The following RIC8B variants were observed in gnomAD, a reference collection of about 807,000 sequenced individuals.
The protein encoded by RIC8B is chaperone Ric-8B.
Under a neutral mutation model 57.5 loss-of-function variants are expected in RIC8B, and 16 were observed. That is an observed-to-expected ratio of 0.28 (90% CI 0.19 to 0.42). RIC8B has a LOEUF of 0.42. Ranked by LOEUF, RIC8B falls within the 10% of genes least tolerant of loss-of-function variation. The pLI is 1.00. For missense variants in RIC8B, 481 were observed against 677.0 expected (o/e 0.71, Z 3.21); for synonymous variants, 216 against 250.8 (o/e 0.86, Z 1.31).
chr12:106,795,650 GGAA>G (rs2044446224), intron 2 of RIC8B, among the ~76,000 whole-genome samples: 1 of 152,128 alleles, frequency 6.6e-6, no homozygotes, highest in Non-Finnish European at 1.5e-5. Context: ...CAAAGAGAAG[GGAA>G]GATGGAGCCA....
chr12:106,798,029 G>A (rs2044562830), intron 2 of RIC8B: 1 of 715,170 alleles, frequency 1.4e-6, no homozygotes, highest in Admixed American at 2.0e-5. Context: ...CATTAAACTA[G>A]TTATAGCGTT....
chr12:106,782,689 T>G (rs1336955144), intron 1 of RIC8B, among the ~76,000 whole-genome samples: 1 of 152,202 alleles, frequency 6.6e-6, no homozygotes, highest in Non-Finnish European at 1.5e-5. Flanking sequence ...TACCTCTGAG[T>G]CTTCCCTCTG....
At chr12:106,868,776 C>G (rs1424888939) in intron 8 of RIC8B, among the ~76,000 whole-genome samples, 1 of 122,534 alleles carries the variant, frequency 8.2e-6, no homozygotes, top group Non-Finnish European at 1.6e-5. Context: ...GACACACACA[C>G]ACACACACAC....
intron 3 of RIC8B, among the ~76,000 whole-genome samples, chr12:106,817,824 C>CAAAAAA (rs1256361414): frequency 7.1e-5 from 8 of 112,054 alleles, no homozygotes; most frequent in African/African-American, 1.3e-4. Context: ...AACACTGTCT[C>CAAAAAA]AAAAAAAAAA....
chr12:106,878,882 G>A (rs1593405375), intron 9 of RIC8B: 6 of 620,436 alleles, frequency 9.7e-6, no homozygotes, highest in South Asian at 7.2e-5. Flanking sequence ...TAAAAGGATC[G>A]GAACTATTAT....
chr12:106,814,156 A>C (rs571322061), intron 2 of RIC8B, among the ~76,000 whole-genome samples: 1 of 152,166 alleles, frequency 6.6e-6, no homozygotes, highest in African/African-American at 2.4e-5. Context: ...TGTAGTTTGT[A>C]TACCAGGAGG....
At chr12:106,832,981 C>A (rs1490546264) in intron 4 of RIC8B, among the ~76,000 whole-genome samples, 1 of 152,098 alleles carries the variant, frequency 6.6e-6, no homozygotes, top group Non-Finnish European at 1.5e-5. Context: ...ATGTGACATG[C>A]TGAGATCTAT....
At chr12:106,784,368 A>G (rs940738470) in intron 2 of RIC8B, among the ~76,000 whole-genome samples, 2 of 152,150 alleles carry the variant, frequency 1.3e-5, no homozygotes, top group African/African-American at 4.8e-5. Flanking sequence ...CCCAAAATCC[A>G]TTGCTAATAT....
chr12:106,817,646 C>T (rs2045633794), intron 3 of RIC8B, among the ~76,000 whole-genome samples: 1 of 151,688 alleles, frequency 6.6e-6, no homozygotes, highest in South Asian at 2.1e-4. Context: ...GGTGAAACCC[C>T]GTCTCTACTA....
chr12:106,821,729 C>T (rs1228148615), intron 3 of RIC8B, among the ~76,000 whole-genome samples: 1 of 152,052 alleles, frequency 6.6e-6, no homozygotes, highest in Non-Finnish European at 1.5e-5. Flanking sequence ...CTTCAGAATA[C>T]ACTAAAAAGT....
At chr12:106,858,547 A>G (rs1013962001) in intron 7 of RIC8B, among the ~76,000 whole-genome samples, 3 of 152,098 alleles carry the variant, frequency 2.0e-5, no homozygotes, top group Admixed American at 6.6e-5. Context: ...AAAGCACTAC[A>G]TCTTGGGGAG....
chr12:106,801,492 A>G (rs1158626666), intron 2 of RIC8B, among the ~76,000 whole-genome samples: 1 of 152,206 alleles, frequency 6.6e-6, no homozygotes, highest in East Asian at 1.9e-4. Context: ...ATGTGCAGGA[A>G]AGGAAGTTAG....
chr12:106,787,838 G>T (rs532422416), intron 2 of RIC8B, among the ~76,000 whole-genome samples: 1 of 152,224 alleles, frequency 6.6e-6, no homozygotes, highest in East Asian at 1.9e-4. Context: ...TGAGGACACA[G>T]AGCCAAACCA....
chr12:106,852,753 T>C (rs1949526859), intron 7 of RIC8B, among the ~76,000 whole-genome samples: 1 of 152,254 alleles, frequency 6.6e-6, no homozygotes, highest in Non-Finnish European at 1.5e-5. Context: ...ATAATAATTA[T>C]ATTAACTATT....
intron 4 of RIC8B, 102 bp downstream of exon 4, chr12:106,825,922 A>G: frequency 1.3e-6 from 1 of 751,634 alleles, no homozygotes; most frequent in African/African-American, 1.7e-5. Context: ...AAGTGAAAAT[A>G]CTACAGTAAA....
intron 2 of RIC8B, among the ~76,000 whole-genome samples, chr12:106,804,459 G>T (rs113025033): frequency 6.6e-6 from 1 of 152,066 alleles, no homozygotes; most frequent in Non-Finnish European, 1.5e-5. Context: ...CAAGTGATCC[G>T]CCCGCCTTGG....
chr12:106,886,146 G>A lies in RIC8B; in HGVS notation c.*131G>A. 1.5e-6 allele frequency: 1 copy of A among 661,886 alleles called. No homozygotes were observed. Among genetic ancestry groups the A allele is most frequent in the Non-Finnish European group, 2.6e-6 (1 of 382,234 alleles). The allele number at this position is 661,886 out of a possible 1,614,324, so 41.0% of individuals were successfully genotyped here. ...ACACATTAACTGGTTTACTCATTGA[G>A]AATCCAGCATATTTAAGAGGTGACC... On this transcript the variant is annotated 3_prime_UTR_variant, in exon 10 of 10. Coordinates refer to ENST00000392837, the MANE Select transcript of RIC8B (RefSeq NM_001330145.2).
In RIC8B at chr12:106,860,278, G is replaced by C; in HGVS notation, c.1317G>C (p.Leu439=). 6.3e-7 allele frequency: 1 copy of C among 1,589,450 alleles called. No homozygotes were observed. The highest frequency in any genetic ancestry group is 8.5e-7 in the Non-Finnish European group (1 of 1,169,794). Reference sequence around the variant, plus strand: ...ATTCTGTTTTTGCAGTGGATAGTCTGCTGAAATACACTGGCTATGGGAATG... The same window carrying C: ...ATTCTGTTTTTGCAGTGGATAGTCTCCTGAAATACACTGGCTATGGGAATG... ...FVLCKERVDS[L]LKYTGYGNAA... The change falls in exon 8 of 10, where the codon CTG becomes CTC. Residue 439 remains leucine (L), a synonymous_variant. Coordinates refer to ENST00000392837, the MANE Select transcript of RIC8B (RefSeq NM_001330145.2).
intron 9 of RIC8B, among the ~76,000 whole-genome samples, chr12:106,880,453 G>A (rs970085042): frequency 6.6e-6 from 1 of 152,004 alleles, no homozygotes; most frequent in African/African-American, 2.4e-5. Context: ...TTTATAGATG[G>A]GGAGACTCAA....
Sources: gnomAD v4.1 joint callset for allele counts (sites outside exome capture counted in the v4.1 genomes callset) on GRCh38, gnomAD v4.1.1 for gene constraint, MANE v1.5 for transcripts, NCBI Gene and HGNC (gene_info 2026-07-23, HGNC 2026-07-21) for gene names.